TRAPPC10: variants seen among roughly 807,000 people sequenced by gnomAD.
TRAPPC10 encodes the protein TRAPP 130 kDa subunit.
Under a neutral mutation model 125.5 loss-of-function variants are expected in TRAPPC10, and 23 were observed. The ratio of observed to expected loss-of-function variants is 0.18; its 90% CI spans 0.13 to 0.26. The LOEUF is 0.26. Among genes scored for constraint, TRAPPC10 ranks in the 10% least tolerant of loss-of-function variants. TRAPPC10 has a pLI of 1.00. For missense variants in TRAPPC10, 1,123 were observed against 1,308.4 expected (o/e 0.86, Z 2.19); for synonymous variants, 509 against 518.0 (o/e 0.98, Z 0.24).
intron 20 of TRAPPC10, 89 bp downstream of exon 20, chr21:44,094,322 C>A: frequency 2.4e-6 from 3 of 1,229,154 alleles, no homozygotes; most frequent in Non-Finnish European, 2.3e-6. Flanking sequence ...GAATAGACAG[C>A]TTCTGTCAAC....
At chr21:44,046,035 C>T (rs2034780756) in intron 3 of TRAPPC10, among the ~76,000 whole-genome samples, 1 of 151,444 alleles carries the variant, frequency 6.6e-6, no homozygotes, top group Non-Finnish European at 1.5e-5. Flanking sequence ...TGTACAAAAC[C>T]AGATGTTTGT....
chr21:44,086,229 C>CG (rs1004481965), intron 15 of TRAPPC10, among the ~76,000 whole-genome samples: 2 of 152,206 alleles, frequency 1.3e-5, no homozygotes, highest in African/African-American at 4.8e-5. Context: ...ACTCTCCCCC[C>CG]GGTCCTGGTA....
intron 7 of TRAPPC10, among the ~76,000 whole-genome samples, chr21:44,070,963 G>A (rs2036824589): frequency 6.6e-6 from 1 of 152,184 alleles, no homozygotes; most frequent in African/African-American, 2.4e-5. Context: ...ACCCATAGTA[G>A]CCAAACACTG....
chr21:44,092,175 C>T (rs2038630487), intron 19 of TRAPPC10, 126 bp downstream of exon 19: 3 of 1,222,140 alleles, frequency 2.5e-6, no homozygotes, highest in Admixed American at 2.5e-5. Context: ...GTAAAGGCTC[C>T]TGTGCAGCTC....
Position 44,094,226 on chromosome 21 carries a change from A to AT in TRAPPC10, c.3168dup (p.Thr1057TyrfsTer8), listed in dbSNP as rs35152556. The stretch of plus-strand genomic sequence containing the variant: ...TATACTTATGAATTTAAAGTGGAAA[A>AT]TTTTTTTGTAAGTGATGTATTATTT... On this transcript the variant is annotated frameshift_variant, in exon 20 of 23. Coordinates refer to ENST00000291574, the MANE Select transcript of TRAPPC10 (RefSeq NM_003274.5). LOFTEE classifies it high-confidence loss of function. 2 of 1,605,582 alleles carry AT rather than the reference A, an allele frequency of 1.2e-6. No individual in the cohort carries two copies. Among genetic ancestry groups the AT allele is most frequent in the Non-Finnish European group, 1.7e-6 (2 of 1,177,590 alleles).
chr21:44,051,690 C>G (rs2035242707), intron 3 of TRAPPC10, among the ~76,000 whole-genome samples: 2 of 152,238 alleles, frequency 1.3e-5, no homozygotes, highest in Non-Finnish European at 2.9e-5. Flanking sequence ...TGCAGGTCGC[C>G]TTCTTTCTGA....
At position 44,086,762 on chromosome 21, in the gene TRAPPC10, G is replaced by A. The variant is rs564387562; in HGVS notation, c.2381-40G>A. 1.9e-5 allele frequency: 31 copies of A among 1,606,314 alleles called. No homozygotes were observed. In the East Asian group the frequency reaches 2.5e-4, roughly 13 times the overall value. ...TGCGGGCCCTGAGATGCTGTCTTCC[G>A]GTTGGCAGCGGTGCTGAGCCACGAT... On this transcript the variant is annotated intron_variant, in intron 15 of 22. Transcript: ENST00000291574.
In TRAPPC10 at chr21:44,032,185, T is replaced by G; in HGVS notation, c.149+13T>G. Reference sequence around the variant, plus strand: ...TGGAATGGAGAAGGTATGAGTTGTGTGTTTTTTGGCTGTATCCCTCTCTTC... The same window carrying G: ...TGGAATGGAGAAGGTATGAGTTGTGGGTTTTTTGGCTGTATCCCTCTCTTC... On this transcript the variant is annotated intron_variant, in intron 2 of 22. Coordinates refer to ENST00000291574, the MANE Select transcript of TRAPPC10 (RefSeq NM_003274.5). 4.4e-6 allele frequency: 7 copies of G among 1,608,784 alleles called. No homozygotes were observed. Among genetic ancestry groups the G allele is most frequent in the Non-Finnish European group, 5.1e-6 (6 of 1,177,250 alleles).
At chr21:44,044,447 A>G (rs2034634956) in intron 3 of TRAPPC10, among the ~76,000 whole-genome samples, 1 of 152,038 alleles carries the variant, frequency 6.6e-6, no homozygotes, top group Non-Finnish European at 1.5e-5. Flanking sequence ...GTACATCTGT[A>G]ACAGCATAAT....
In TRAPPC10 at chr21:44,087,332, C is replaced by A. The variant is rs932812494; in HGVS notation, c.2540-367C>A. Among the ~76,000 whole-genome samples the A allele has an allele frequency of 6.6e-6, 1 of 152,130 alleles. No homozygotes were observed. The highest frequency in any genetic ancestry group is 1.5e-5 in the Non-Finnish European group (1 of 68,012). On this transcript the variant is annotated intron_variant, in intron 16 of 22. Transcript: ENST00000291574. The surrounding 1 kb of genome is among the most constrained non-coding windows in gnomAD (Gnocchi z 4.6). The stretch of plus-strand genomic sequence containing the variant: ...GTGCTGTTGAGAGCCCTGAGCACTC[C>A]CATCCTCCCAGCCACGAGGAAGGGG...
At chr21:44,071,025 G>A (rs2036829143) in intron 7 of TRAPPC10, among the ~76,000 whole-genome samples, 1 of 152,212 alleles carries the variant, frequency 6.6e-6, no homozygotes, top group Non-Finnish European at 1.5e-5. Flanking sequence ...TGGCCAACTT[G>A]TAGAAAGGTT....
At chr21:44,013,404 A>G (rs1385930114) in intron 1 of TRAPPC10, among the ~76,000 whole-genome samples, 3 of 152,152 alleles carry the variant, frequency 2.0e-5, no homozygotes, top group African/African-American at 7.2e-5. Context: ...GGTGTTTCAG[A>G]CTGTTACGAT....
Position 44,082,723 on chromosome 21 carries a change from C to G in TRAPPC10, c.1724-65C>G. On this transcript the variant is annotated intron_variant, in intron 13 of 22. Coordinates refer to ENST00000291574, the MANE Select transcript of TRAPPC10 (RefSeq NM_003274.5). This position sits in a 1 kb window ranked among gnomAD's most constrained non-coding sequence, Gnocchi z 4.4. ...CTCGGTGATCTTACTGTGTCCGCGG[C>G]CTGCTGCTGCTTACTGTCAGGAAGT... 2 of 1,571,826 alleles carry G rather than the reference C, an allele frequency of 1.3e-6. No homozygotes were observed. The highest frequency in any genetic ancestry group is 1.7e-6 in the Non-Finnish European group (2 of 1,152,524).
chr21:44,086,725 C>T, intron 15 of TRAPPC10, 77 bp from the exon 16 acceptor site: 5 of 1,506,776 alleles, frequency 3.3e-6, no homozygotes, highest in Non-Finnish European at 4.6e-6. Context: ...AATAGAGCCC[C>T]TTTCACCCCA....
intron 3 of TRAPPC10, among the ~76,000 whole-genome samples, chr21:44,051,458 G>T (rs540610138): frequency 3.9e-5 from 6 of 152,188 alleles, no homozygotes; most frequent in Admixed American, 1.3e-4. Flanking sequence ...CTTCTGAGTG[G>T]ATTTATGGAA....
chr21:44,017,827 A>T (rs2032043331), intron 1 of TRAPPC10, among the ~76,000 whole-genome samples: 1 of 152,076 alleles, frequency 6.6e-6, no homozygotes. Context: ...CATCGAAAGA[A>T]GTGGAGCCCT....
intron 3 of TRAPPC10, chr21:44,046,806 C>A: frequency 1.8e-6 from 1 of 559,910 alleles, no homozygotes; most frequent in Non-Finnish European, 3.4e-6. Flanking sequence ...CCGCACCCGG[C>A]CACCTTTAAG....
intron 10 of TRAPPC10, among the ~76,000 whole-genome samples, chr21:44,077,062 G>A (rs1305613040): frequency 1.3e-5 from 2 of 152,130 alleles, no homozygotes; most frequent in African/African-American, 2.4e-5. Context: ...CAACTTGAGC[G>A]TTTGGTCTGC....
chr21:44,044,896 C>A (rs2034671917), intron 3 of TRAPPC10, among the ~76,000 whole-genome samples: 1 of 152,044 alleles, frequency 6.6e-6, no homozygotes, highest in South Asian at 2.1e-4. Context: ...GAACTCCTGA[C>A]CGCAGGTGAT....
Sources: gnomAD v4.1 joint callset for allele counts (sites outside exome capture counted in the v4.1 genomes callset) on GRCh38, gnomAD v4.1.1 for gene constraint, Gnocchi (gnomAD v3.1) non-coding constraint, MANE v1.5 for transcripts, NCBI Gene and HGNC (gene_info 2026-07-23, HGNC 2026-07-21) for gene names.